CASS4: variants seen among roughly 807,000 people sequenced by gnomAD.
The protein encoded by CASS4 is Cas scaffold protein family member 4.
CASS4 carries 22 observed loss-of-function variants against 54.2 expected under a neutral mutation model. The observed-to-expected ratio is 0.41, with a 90% CI of 0.29 to 0.58. CASS4 has a LOEUF of 0.58. Ranked by LOEUF, CASS4 falls within the 20% of genes least tolerant of loss-of-function variation. The pLI is 0.36. For missense variants in CASS4, 854 were observed against 986.7 expected (o/e 0.87, Z 1.80); for synonymous variants, 409 against 391.5 (o/e 1.04, Z -0.53).
chr20:56,427,583 C>T (rs543995916), intron 1 of CASS4, among the ~76,000 whole-genome samples: 4 of 152,214 alleles, frequency 2.6e-5, no homozygotes, highest in South Asian at 4.2e-4. Context: ...TGCACTCTCT[C>T]GATGTTGAGT....
chr20:56,422,613 C>T (rs1462987292), intron 1 of CASS4, among the ~76,000 whole-genome samples: 1 of 119,244 alleles, frequency 8.4e-6, no homozygotes, highest in Non-Finnish European at 2.0e-5. Flanking sequence ...TTTTTCTGGC[C>T]ACAACCTCCT....
rs768197172 is a variant in CASS4, at chr20:56,458,350, C to T, written c.1964C>T (p.Pro655Leu). 2 of 1,609,874 alleles carry T rather than the reference C, an allele frequency of 1.2e-6. No homozygotes were observed. Among genetic ancestry groups the T allele is most frequent in the Non-Finnish European group, 1.7e-6 (2 of 1,176,364 alleles). Residue 655 changes from proline (P) to leucine (L), a missense_variant, in exon 6 of 6, where the codon CCT (proline) becomes CTT (leucine). By Grantham distance (98) the Pro-to-Leu change is moderately conservative (BLOSUM62 -3). Coordinates refer to ENST00000679887, the MANE Select transcript of CASS4 (RefSeq NM_020356.4). ...RANICGQNPG[P>L]LIPQPSSQQT... ...CCTTCCCTTCTTTAGAATCCTGGCC[C>T]TCTTATACCTCAGCCTTCGAGTCAA...
chr20:56,427,946 T>C (rs1219616642), intron 1 of CASS4, among the ~76,000 whole-genome samples: 1 of 150,666 alleles, frequency 6.6e-6, no homozygotes, highest in Non-Finnish European at 1.5e-5. Flanking sequence ...CTTCTTGGCC[T>C]TGGAGATCTA....
chr20:56,451,641 G>A (rs2426628), intron 4 of CASS4, among the ~76,000 whole-genome samples, 178 bp from the exon 5 acceptor site: 7,607 of 152,256 alleles, frequency 0.05, 254 homozygotes, highest in Non-Finnish European at 0.073. Flanking sequence ...GACCAGGTGG[G>A]GTCAGCGTGG....
intron 3 of CASS4, among the ~76,000 whole-genome samples, chr20:56,448,324 T>C (rs138561366): frequency 6.6e-6 from 1 of 152,314 alleles, no homozygotes; most frequent in Non-Finnish European, 1.5e-5. Flanking sequence ...TTTACTATGA[T>C]GATTGAGTTT....
chr20:56,458,413 G>A lies in CASS4; in HGVS notation c.2027G>A (p.Cys676Tyr). ...PERKPRLSEHCRLYFGALFKA... is the reference protein window; with the variant it reads ...PERKPRLSEHYRLYFGALFKA... ...AGGAAACCCCGCTTATCTGAACACT[G>A]CCGGCTCTACTTTGGGGCGCTCTTC... The change falls in exon 6 of 6, where the codon TGC becomes TAC. Residue 676 changes from cysteine to tyrosine, a missense_variant. Coordinates refer to ENST00000679887, the MANE Select transcript of CASS4 (RefSeq NM_020356.4). 6.2e-7 allele frequency: 1 copy of A among 1,614,038 alleles called. No homozygotes were observed. Among genetic ancestry groups the A allele is most frequent in the East Asian group, 2.2e-5 (1 of 44,876 alleles).
At position 56,437,686 on chromosome 20, in the gene CASS4, G is replaced by A. The variant is rs117590692; in HGVS notation, c.459+100G>A. The A allele has an allele frequency of 0.01, 11,536 of 1,119,130 alleles. 78 individuals are homozygous for A. The highest frequency in any genetic ancestry group is 0.011 in the Non-Finnish European group (9,322 of 810,638). The allele number at this position is 1,119,130 out of a possible 1,614,324, so 69.3% of individuals were successfully genotyped here. On this transcript the variant is annotated intron_variant, in intron 2 of 5. Coordinates refer to ENST00000679887, the MANE Select transcript of CASS4 (RefSeq NM_020356.4). The surrounding 1 kb of genome is among the most constrained non-coding windows in gnomAD (Gnocchi z 4.7). ...CATGGGTGTCCTTCAGATCAAACAC[G>A]CAAAACGGGAGCCCAGATTGCTGGC...
At position 56,414,214 on chromosome 20, in the gene CASS4, A is replaced by G. The variant is rs1273759797; in HGVS notation, c.36+1720A>G. 6.6e-6 allele frequency among the ~76,000 whole-genome samples: 1 copy of G among 152,172 alleles called. No individual in the cohort carries two copies. Among genetic ancestry groups the G allele is most frequent in the Non-Finnish European group, 1.5e-5 (1 of 68,012 alleles). ...CACATTTTCCAAAATTATCCTTTTT[A>G]GCTTTTCTGGCTGTTGTTGTTTGTG... On this transcript the variant is annotated intron_variant, in intron 1 of 5. Coordinates refer to ENST00000679887, the MANE Select transcript of CASS4 (RefSeq NM_020356.4). This position sits in a 1 kb window ranked among gnomAD's most constrained non-coding sequence, Gnocchi z 4.1.
At chr20:56,435,314 A>AT (rs5842113) in intron 1 of CASS4, among the ~76,000 whole-genome samples, 3 of 151,996 alleles carry the variant, frequency 2.0e-5, no homozygotes, top group Non-Finnish European at 2.9e-5. Flanking sequence ...TATTTATGAA[A>AT]GTATGAACAA....
intron 1 of CASS4, among the ~76,000 whole-genome samples, chr20:56,428,929 C>G (rs1276549099): frequency 6.9e-6 from 1 of 144,962 alleles, no homozygotes; most frequent in Non-Finnish European, 1.5e-5. Flanking sequence ...CCGACCTGCC[C>G]CCCAGCCCTG....
At chr20:56,443,583 G>A (rs1365080920) in intron 2 of CASS4, among the ~76,000 whole-genome samples, 2 of 152,068 alleles carry the variant, frequency 1.3e-5, no homozygotes, top group Non-Finnish European at 2.9e-5. Flanking sequence ...GGTTTACTGA[G>A]TGTAAAGAGG....
At position 56,451,968 on chromosome 20, in the gene CASS4, G is replaced by A. The variant is rs770621600; in HGVS notation, c.792G>A (p.Ala264=). 3.2e-5 allele frequency: 51 copies of A among 1,614,002 alleles called. No individual in the cohort carries two copies. Among genetic ancestry groups the A allele is most frequent in the South Asian group, 5.5e-5 (5 of 91,080 alleles). Residue 264 remains alanine (A), a synonymous_variant, in exon 5 of 6, where the codon GCG becomes GCA. Coordinates refer to ENST00000679887, the MANE Select transcript of CASS4 (RefSeq NM_020356.4). ...GAAACACGCCTCTCACCAGCTTTGCGGAAGAATCAAGGCCCCACGCTCTCC... is the reference window on the plus strand; with the variant it reads ...GAAACACGCCTCTCACCAGCTTTGCAGAAGAATCAAGGCCCCACGCTCTCC... ...SVRNTPLTSF[A]EESRPHALPS... is the part of the protein sequence containing the mutation.
At chr20:56,423,033 G>A (rs1979483044) in intron 1 of CASS4, among the ~76,000 whole-genome samples, 1 of 152,178 alleles carries the variant, frequency 6.6e-6, no homozygotes, top group Admixed American at 6.5e-5. Flanking sequence ...CATGGCTGGG[G>A]TGGCAGGAAG....
chr20:56,450,574 G>T, intron 3 of CASS4, 25 bp from the exon 4 acceptor site: 1 of 1,607,168 alleles, frequency 6.2e-7, no homozygotes, highest in African/African-American at 1.3e-5. Flanking sequence ...CATTCAAGTT[G>T]TCTGCCTTTG....
chr20:56,413,549 C>T (rs1416524031), intron 1 of CASS4, among the ~76,000 whole-genome samples: 6 of 151,804 alleles, frequency 4.0e-5, no homozygotes, highest in African/African-American at 4.8e-5. Flanking sequence ...GGCGCATGCC[C>T]GTGATCCCAG....
At position 56,452,878 on chromosome 20, in the gene CASS4, A is replaced by T; in HGVS notation, c.1702A>T (p.Met568Leu). The T allele has an allele frequency of 1.2e-6, 2 of 1,614,094 alleles. No homozygotes were observed. Among genetic ancestry groups the T allele is most frequent in the Non-Finnish European group, 8.5e-7 (1 of 1,180,020 alleles). The stretch of plus-strand genomic sequence containing the variant: ...TGAGAGGTTTGTCATGGTGGCACGG[A>T]TGCTTCCAGAAGACATCAAGAGGTT... ...DLERFVMVAR[M>L]LPEDIKRFAS... Residue 568 changes from methionine to leucine, a missense_variant, in exon 5 of 6, where the codon ATG (methionine) becomes TTG (leucine). By Grantham distance (15) the Met-to-Leu change is conservative (BLOSUM62 2). Coordinates refer to ENST00000679887, the MANE Select transcript of CASS4 (RefSeq NM_020356.4).
chr20:56,425,902 T>C (rs527922839), intron 1 of CASS4, among the ~76,000 whole-genome samples: 2 of 152,336 alleles, frequency 1.3e-5, no homozygotes, highest in East Asian at 3.9e-4. Flanking sequence ...TATAAAAGCA[T>C]CAATGCAGAC....
chr20:56,450,810 C>T lies in CASS4; in HGVS notation c.642+131C>T, dbSNP rs1980960421. 4 of 734,438 alleles carry T rather than the reference C, an allele frequency of 5.4e-6. No homozygotes were observed. In the Admixed American group the frequency reaches 7.0e-5, roughly 13 times the overall value. 45.5% of individuals were successfully genotyped at this position (734,438 alleles called of 1,614,324 possible). A position where few individuals can be genotyped will look rare whatever the true frequency, so the allele number is the denominator to read the frequency against. ...GCACTTTGAGAGGCCGAGGTGAGTG[C>T]ATCACCTGAGGTTGGGAGTTCAAGA... On this transcript the variant is annotated intron_variant, in intron 4 of 5. Transcript: ENST00000679887.
chr20:56,412,786 C>G lies in CASS4; in HGVS notation c.36+292C>G, dbSNP rs776282910. Among the ~76,000 whole-genome samples the G allele has an allele frequency of 6.6e-6, 1 of 152,294 alleles. No homozygotes were observed. Among genetic ancestry groups the G allele is most frequent in the African/African-American group, 2.4e-5 (1 of 41,564 alleles). On this transcript the variant is annotated intron_variant, in intron 1 of 5. Coordinates refer to ENST00000679887, the MANE Select transcript of CASS4 (RefSeq NM_020356.4). The surrounding 1 kb of genome is among the most constrained non-coding windows in gnomAD (Gnocchi z 4.2). ...TCCAGCAAACTCCTGAAGCAAGATG[C>G]GAGTCTGCCTCAGCCCCCGCTAATT...
Sources: gnomAD v4.1 joint callset for allele counts (sites outside exome capture counted in the v4.1 genomes callset) on GRCh38, gnomAD v4.1.1 for gene constraint, Gnocchi (gnomAD v3.1) non-coding constraint, MANE v1.5 for transcripts, NCBI Gene and HGNC (gene_info 2026-07-23, HGNC 2026-07-21) for gene names.